The following CSMD1 variants were observed in gnomAD, a reference collection of about 807,000 sequenced individuals.
CSMD1 encodes the protein CUB and sushi domain-containing protein 1.
Under a neutral mutation model 417.5 loss-of-function variants are expected in CSMD1, and 213 were observed. The observed-to-expected ratio is 0.51, with a 90% CI of 0.46 to 0.57. CSMD1 has a LOEUF of 0.57. Ranked by LOEUF, CSMD1 falls within the 20% of genes least tolerant of loss-of-function variation. CSMD1 has a pLI of 0.00. For synonymous variants in CSMD1, 2,862 were observed against 1,736.8 expected (o/e 1.65, Z -16.11); for missense variants, 6,923 against 4,529.7 (o/e 1.53, Z -15.17).
At chr8:3,813,745 G>C (rs1032638633) in intron 5 of CSMD1, among the ~76,000 whole-genome samples, 4 of 152,148 alleles carry the variant, frequency 2.6e-5, no homozygotes, top group Admixed American at 2.0e-4. Flanking sequence ...CATTTCTGGA[G>C]GTATGAGGGA....
intron 2 of CSMD1, among the ~76,000 whole-genome samples, chr8:4,458,157 T>C (rs1219521881): frequency 6.6e-6 from 1 of 152,164 alleles, no homozygotes; most frequent in Non-Finnish European, 1.5e-5. Flanking sequence ...CTGTCTTGAG[T>C]GGATGCTGAT....
In CSMD1 at chr8:3,983,096, G is replaced by T. The variant is rs145644160; in HGVS notation, c.818+14807C>A. 1.6e-3 allele frequency among the ~76,000 whole-genome samples: 241 copies of T among 150,934 alleles called. 1 individual carries two copies. Among genetic ancestry groups the T allele is most frequent in the Non-Finnish European group, 2.6e-3 (177 of 67,824 alleles). ...CCAGGAGCCTCTAATGATGTAAAAC[G>T]CCTCAGACATCGTTATGCATCCTCC... On this transcript the variant is annotated intron_variant, in intron 5 of 69. Transcript: ENST00000635120.
At chr8:3,972,761 T>C (rs1013806190) in intron 5 of CSMD1, among the ~76,000 whole-genome samples, 3 of 152,230 alleles carry the variant, frequency 2.0e-5, no homozygotes, top group Non-Finnish European at 2.9e-5. Flanking sequence ...ATTAAAAATG[T>C]ATATATTCAA....
intron 1 of CSMD1, among the ~76,000 whole-genome samples, chr8:4,663,047 T>C (rs1017014744): frequency 5.3e-5 from 8 of 152,324 alleles, no homozygotes; most frequent in African/African-American, 1.9e-4. Context: ...AGCCCAGAGC[T>C]GACTAACATG....
intron 1 of CSMD1, among the ~76,000 whole-genome samples, chr8:4,760,088 T>C (rs1435408800): frequency 6.6e-6 from 1 of 152,208 alleles, no homozygotes; most frequent in Non-Finnish European, 1.5e-5. Flanking sequence ...TTCTAGACTT[T>C]TTAATAAGCA....
At chr8:4,332,410 T>G (rs35993808) in intron 3 of CSMD1, among the ~76,000 whole-genome samples, 1,577 of 152,196 alleles carry the variant, frequency 0.01, 15 homozygotes, top group Middle Eastern at 0.017. Context: ...TAGTATAAAT[T>G]CTTTCTAGGC....
chr8:3,244,287 G>C (rs777725102), intron 26 of CSMD1, among the ~76,000 whole-genome samples: 2 of 152,096 alleles, frequency 1.3e-5, no homozygotes, highest in Non-Finnish European at 2.9e-5. Flanking sequence ...GAAGCTCCTT[G>C]TTTCTGTTCA....
At chr8:3,270,928 T>C (rs1801800229) in intron 26 of CSMD1, among the ~76,000 whole-genome samples, 1 of 151,762 alleles carries the variant, frequency 6.6e-6, no homozygotes, top group Non-Finnish European at 1.5e-5. Flanking sequence ...TTTTTAATTT[T>C]TTATTTATTA....
intron 1 of CSMD1, among the ~76,000 whole-genome samples, chr8:4,858,221 A>G (rs1247711548): frequency 2.0e-5 from 3 of 150,042 alleles, no homozygotes; most frequent in African/African-American, 7.4e-5. Flanking sequence ...ACAAACCTTC[A>G]TGCTAAAAAC....
At chr8:3,698,387 G>T (rs908900114) in intron 7 of CSMD1, among the ~76,000 whole-genome samples, 1 of 152,174 alleles carries the variant, frequency 6.6e-6, no homozygotes, top group Admixed American at 6.6e-5. Flanking sequence ...GAGCAAACTA[G>T]ATTAGAGCAA....
rs188551306 is a variant in CSMD1, at chr8:4,884,038, A to C, written c.85+110294T>G. On this transcript the variant is annotated intron_variant, in intron 1 of 69. Coordinates refer to ENST00000635120, the MANE Select transcript of CSMD1 (RefSeq NM_033225.6). ...GATAATAGCCTTCGTAGTGAATGTC[A>C]AATGGTGTCTCACTATGGTTGGATT... Among the ~76,000 whole-genome samples, 165 of 152,136 alleles carry C rather than the reference A, an allele frequency of 1.1e-3. 2 individuals are homozygous for C. The highest frequency in any genetic ancestry group is 5.9e-3 in the Admixed American group (90 of 15,282).
chr8:4,410,768 G>C lies in CSMD1; in HGVS notation c.415+9185C>G, dbSNP rs192338899. ...AGATGAAAAATATTAAGAAATGAAA[G>C]TATAACAACTCATGAGTTGAGACTC... On this transcript the variant is annotated intron_variant, in intron 3 of 69. Transcript: ENST00000635120. Among the ~76,000 whole-genome samples, 22 of 152,252 alleles carry C rather than the reference G, an allele frequency of 1.4e-4. No individual in the cohort carries two copies. In the East Asian group the frequency reaches 4.1e-3, roughly 28 times the overall value.
intron 3 of CSMD1, among the ~76,000 whole-genome samples, chr8:4,074,394 C>G (rs1799715219): frequency 2.0e-5 from 3 of 152,054 alleles, no homozygotes; most frequent in South Asian, 2.1e-4. Flanking sequence ...CAATGTCTAT[C>G]TCATCAAGAT....
intron 3 of CSMD1, among the ~76,000 whole-genome samples, chr8:4,379,353 G>C (rs554234252): frequency 6.6e-6 from 1 of 152,318 alleles, no homozygotes; most frequent in African/African-American, 2.4e-5. Flanking sequence ...AGATTCAGGA[G>C]ACAGGAGGAA....
chr8:3,814,381 A>C (rs1389228840), intron 5 of CSMD1, among the ~76,000 whole-genome samples: 1 of 152,190 alleles, frequency 6.6e-6, no homozygotes, highest in Non-Finnish European at 1.5e-5. Flanking sequence ...CCTCTTATAC[A>C]TTATACTATA....
intron 3 of CSMD1, among the ~76,000 whole-genome samples, chr8:4,265,456 C>A (rs1804181904): frequency 1.8e-5 from 1 of 56,992 alleles, no homozygotes. Flanking sequence ...CTTAATTTGA[C>A]CTCGACTGTT....
intron 10 of CSMD1, among the ~76,000 whole-genome samples, chr8:3,524,446 C>G (rs1797667676): frequency 6.6e-6 from 1 of 151,580 alleles, no homozygotes; most frequent in Non-Finnish European, 1.5e-5. Flanking sequence ...TCTGCACGCA[C>G]ACATGCACAT....
intron 37 of CSMD1, among the ~76,000 whole-genome samples, chr8:3,168,840 T>A (rs1820401975): frequency 6.6e-6 from 1 of 152,174 alleles, no homozygotes; most frequent in Non-Finnish European, 1.5e-5. Context: ...TGTTACATCC[T>A]GCAGTCTCTT....
At chr8:4,392,826 G>T (rs1038524418) in intron 3 of CSMD1, among the ~76,000 whole-genome samples, 2 of 151,650 alleles carry the variant, frequency 1.3e-5, no homozygotes, top group African/African-American at 4.8e-5. Flanking sequence ...ATATTAGCCG[G>T]GTGTGGTGGC....
Sources: allele counts gnomAD v4.1 joint callset (sites outside exome capture counted in the v4.1 genomes callset), GRCh38; gene constraint gnomAD v4.1.1; transcripts MANE v1.5; gene names NCBI Gene and HGNC (gene_info 2026-07-23, HGNC 2026-07-21).